The following FAM227B variants were observed in gnomAD, a reference collection of about 807,000 sequenced individuals.
FAM227B encodes the protein protein FAM227B.
A neutral mutation model predicts 73.8 loss-of-function variants in FAM227B; 88 were observed. That is an observed-to-expected ratio of 1.19 (90% confidence interval 1.00 to 1.42). The LOEUF is 1.42. FAM227B is among the 40% of genes most tolerant of loss of function. The pLI is 0.00. For missense variants in FAM227B, 632 were observed against 590.9 expected (o/e 1.07, Z -0.72); for synonymous variants, 210 against 190.5 (o/e 1.10, Z -0.84).
rs114241454 is a variant in FAM227B, at chr15:49,374,629, C to T, written c.1013-3230G>A. 5.7e-3 allele frequency among the ~76,000 whole-genome samples: 861 copies of T among 152,230 alleles called. 7 individuals carry two copies. Among genetic ancestry groups the T allele is most frequent in the African/African-American group, 0.02 (820 of 41,548 alleles). On this transcript the variant is annotated intron_variant, in intron 11 of 15. Coordinates refer to ENST00000299338, the MANE Select transcript of FAM227B (RefSeq NM_152647.3). Reference sequence around the variant, plus strand: ...GAGTGCAGTGGTGCCATCTAGGCTCCGCCTCCCAGGTTCAAGCGATTCTCC... The same window carrying T: ...GAGTGCAGTGGTGCCATCTAGGCTCTGCCTCCCAGGTTCAAGCGATTCTCC...
chr15:49,592,937 TCA>T (rs1160060081), intron 3 of FAM227B, among the ~76,000 whole-genome samples: 1 of 152,124 alleles, frequency 6.6e-6, no homozygotes, highest in Non-Finnish European at 1.5e-5. Flanking sequence ...CTCGCAGATC[TCA>T]GACTGCTGCA....
intron 10 of FAM227B, among the ~76,000 whole-genome samples, chr15:49,538,283 A>C (rs1453207661): frequency 6.6e-6 from 1 of 152,114 alleles, no homozygotes; most frequent in South Asian, 2.1e-4. Flanking sequence ...CCTTTTCCTC[A>C]GCCTACTCAA....
intron 7 of FAM227B, among the ~76,000 whole-genome samples, chr15:49,575,911 ATTATT>A (rs933629264): frequency 1.1e-4 from 16 of 152,332 alleles, no homozygotes; most frequent in African/African-American, 3.8e-4. Flanking sequence ...GATTCAATAG[ATTATT>A]TTATCTTCTT....
chr15:49,504,425 T>TAA (rs35119908), intron 11 of FAM227B, among the ~76,000 whole-genome samples: 8,279 of 147,820 alleles, frequency 0.056, 326 homozygotes, highest in East Asian at 0.13. Flanking sequence ...TAAAGTATAA[T>TAA]AAAAAAAAAG....
At chr15:49,599,982 T>A (rs1398659010) in intron 3 of FAM227B, among the ~76,000 whole-genome samples, 1 of 148,736 alleles carries the variant, frequency 6.7e-6, no homozygotes, top group East Asian at 1.9e-4. Flanking sequence ...CTCCATATGA[T>A]CTATCCATTT....
chr15:49,421,060 A>G (rs1279907361), intron 11 of FAM227B, among the ~76,000 whole-genome samples: 3 of 152,190 alleles, frequency 2.0e-5, no homozygotes, highest in Non-Finnish European at 4.4e-5. Context: ...TCAATCTACA[A>G]ATAACAAAAA....
chr15:49,460,016 C>T (rs2053651077), intron 11 of FAM227B, among the ~76,000 whole-genome samples: 1 of 152,174 alleles, frequency 6.6e-6, no homozygotes, highest in East Asian at 1.9e-4. Flanking sequence ...CTATCACTTT[C>T]TTCCCTTGAC....
intron 11 of FAM227B, among the ~76,000 whole-genome samples, chr15:49,475,525 A>G (rs2151982794): frequency 6.6e-6 from 1 of 152,352 alleles, no homozygotes; most frequent in African/African-American, 2.4e-5. Flanking sequence ...TAAGATAGTG[A>G]CAGTAAAATT....
intron 13 of FAM227B, among the ~76,000 whole-genome samples, chr15:49,360,828 T>G (rs1424471908): frequency 6.6e-6 from 1 of 152,192 alleles, no homozygotes; most frequent in Non-Finnish European, 1.5e-5. Flanking sequence ...TAAATAAATA[T>G]ACATTTAAAA....
At chr15:49,588,793 T>A (rs1043982070) in intron 4 of FAM227B, among the ~76,000 whole-genome samples, 3 of 150,818 alleles carry the variant, frequency 2.0e-5, no homozygotes, top group African/African-American at 7.3e-5. Context: ...ACATAACTTT[T>A]ATACATTAAA....
At chr15:49,329,578 A>C (rs780685761) in intron 15 of FAM227B, 39 of 983,552 alleles carry the variant, frequency 4.0e-5, no homozygotes, top group Non-Finnish European at 4.7e-5. Flanking sequence ...AGGAAAGCCA[A>C]TATTCTATTT....
At chr15:49,456,560 C>T (rs1026900716) in intron 11 of FAM227B, among the ~76,000 whole-genome samples, 1 of 152,042 alleles carries the variant, frequency 6.6e-6, no homozygotes, top group African/African-American at 2.4e-5. Context: ...TAAGACTATT[C>T]AAGAATTACT....
At position 49,568,247 on chromosome 15, in the gene FAM227B, GA is replaced by G. The variant is rs762018430; in HGVS notation, c.744del (p.Gln249ArgfsTer34). 1 of 1,602,170 alleles carries G rather than the reference GA, an allele frequency of 6.2e-7. No homozygotes were observed. Among genetic ancestry groups the G allele is most frequent in the Non-Finnish European group, 8.5e-7 (1 of 1,174,688 alleles). On this transcript the variant is annotated frameshift_variant, in exon 9 of 16. Coordinates refer to ENST00000299338, the MANE Select transcript of FAM227B (RefSeq NM_152647.3). LOFTEE classifies it high-confidence loss of function. ...TAACTGTTAATTTCAATGCTTACCTGAAAAAATGCATCCTTTCGACTTAGAG... is the reference window on the plus strand; with the variant it reads ...TAACTGTTAATTTCAATGCTTACCTGAAAAATGCATCCTTTCGACTTAGAG... ...SIPLSRKDAF[F>X]QIYPDCLAQA...
intron 3 of FAM227B, among the ~76,000 whole-genome samples, chr15:49,602,116 T>A (rs2077243944): frequency 6.6e-6 from 1 of 152,190 alleles, no homozygotes; most frequent in African/African-American, 2.4e-5. Context: ...GGAGTGCAGA[T>A]ATCTCTTTGA....
At chr15:49,598,381 T>C (rs1226708276) in intron 3 of FAM227B, among the ~76,000 whole-genome samples, 2 of 152,170 alleles carry the variant, frequency 1.3e-5, no homozygotes, top group African/African-American at 4.8e-5. Flanking sequence ...GTTTTGTGTA[T>C]ACAAAATTAT....
intron 5 of FAM227B, among the ~76,000 whole-genome samples, chr15:49,578,441 C>T (rs1186278685): frequency 6.7e-6 from 1 of 149,910 alleles, no homozygotes; most frequent in Non-Finnish European, 1.5e-5. Context: ...ATAAAACATA[C>T]ATAATATGTA....
chr15:49,479,614 T>G (rs1326203531), intron 11 of FAM227B, among the ~76,000 whole-genome samples: 4 of 136,040 alleles, frequency 2.9e-5, no homozygotes, highest in Non-Finnish European at 6.3e-5. Context: ...TTTTTTTTTT[T>G]TTTTTTTTTT....
intron 5 of FAM227B, among the ~76,000 whole-genome samples, chr15:49,585,687 T>C (rs1272082932): frequency 6.6e-6 from 1 of 151,400 alleles, no homozygotes; most frequent in Non-Finnish European, 1.5e-5. Context: ...CACCGGGGAC[T>C]GTTGTGGGGT....
intron 3 of FAM227B, among the ~76,000 whole-genome samples, chr15:49,599,534 TTATC>T (rs1402052800): frequency 1.3e-5 from 2 of 152,098 alleles, no homozygotes; most frequent in African/African-American, 4.8e-5. Flanking sequence ...GTTAGATTGT[TTATC>T]TGAGAGTTTT....
Sources: gnomAD v4.1 joint callset for allele counts (sites outside exome capture counted in the v4.1 genomes callset) on GRCh38, gnomAD v4.1.1 for gene constraint, MANE v1.5 for transcripts, NCBI Gene and HGNC (gene_info 2026-07-23, HGNC 2026-07-21) for gene names.